The following UNC13C variants were observed in gnomAD, a reference collection of about 807,000 sequenced individuals.
The protein encoded by UNC13C is unc-13 homolog C.
UNC13C carries 174 observed loss-of-function variants against 245.4 expected under a neutral mutation model. The observed-to-expected ratio is 0.71, with a 90% CI of 0.63 to 0.80. The LOEUF is 0.80. Among genes scored for constraint, UNC13C ranks in the 30% least tolerant of loss-of-function variants. The pLI is 0.00. For missense variants in UNC13C, 2,829 were observed against 2,602.9 expected, an observed-to-expected ratio of 1.09 and a Z score of -1.89; for synonymous variants, 992 against 895.1, an observed-to-expected ratio of 1.11 and a Z score of -1.93.
intron 24 of UNC13C, among the ~76,000 whole-genome samples, chr15:54,522,027 A>G (rs376399770): frequency 3.3e-5 from 5 of 152,356 alleles, no homozygotes; most frequent in African/African-American, 1.2e-4. Flanking sequence ...TAAAGAGCAT[A>G]GTCAGTGTAG....
At chr15:54,038,057 A>G (rs956911217) in intron 2 of UNC13C, among the ~76,000 whole-genome samples, 2 of 136,014 alleles carry the variant, frequency 1.5e-5, no homozygotes, top group Non-Finnish European at 3.1e-5. Flanking sequence ...TTATGCTTTT[A>G]TGTTATACTT....
chr15:54,199,180 G>A (rs948180034), intron 4 of UNC13C, among the ~76,000 whole-genome samples: 2 of 152,018 alleles, frequency 1.3e-5, no homozygotes, highest in Non-Finnish European at 2.9e-5. Flanking sequence ...AAGCTTCCAA[G>A]AAGTTCAGGA....
chr15:54,003,778 C>T (rs942917667), intron 1 of UNC13C, among the ~76,000 whole-genome samples: 1 of 152,082 alleles, frequency 6.6e-6, no homozygotes, highest in Non-Finnish European at 1.5e-5. Flanking sequence ...TTTGGGAGGC[C>T]GAGGAGGGTG....
intron 10 of UNC13C, among the ~76,000 whole-genome samples, chr15:54,282,556 G>GGT (rs1376122541): frequency 3.3e-5 from 5 of 152,100 alleles, no homozygotes; most frequent in Non-Finnish European, 7.4e-5. Flanking sequence ...CCCCAGAGGG[G>GGT]GTGTTACAGT....
intron 2 of UNC13C, among the ~76,000 whole-genome samples, chr15:54,110,683 A>G (rs949413628): frequency 5.3e-5 from 8 of 152,180 alleles, no homozygotes; most frequent in African/African-American, 1.9e-4. Flanking sequence ...CAAACCATTA[A>G]ACCAGAGGCT....
At chr15:54,441,369 T>C (rs1890517807) in intron 19 of UNC13C, among the ~76,000 whole-genome samples, 1 of 152,070 alleles carries the variant, frequency 6.6e-6, no homozygotes, top group Admixed American at 6.6e-5. Flanking sequence ...AGGGGTCCAG[T>C]TTCGTTCTTC....
At chr15:54,356,524 G>T (rs1414975503) in intron 17 of UNC13C, among the ~76,000 whole-genome samples, 1 of 152,140 alleles carries the variant, frequency 6.6e-6, no homozygotes, top group Non-Finnish European at 1.5e-5. Flanking sequence ...GATGCCCATA[G>T]ATATAGCGTC....
At chr15:54,043,791 C>G (rs1338251019) in intron 2 of UNC13C, among the ~76,000 whole-genome samples, 1 of 152,164 alleles carries the variant, frequency 6.6e-6, no homozygotes, top group Non-Finnish European at 1.5e-5. Flanking sequence ...TTTACATACT[C>G]TTGGGTCCTG....
chr15:53,905,640 T>C, the UNC13C span, among the ~76,000 whole-genome samples: 1 of 152,024 alleles, frequency 6.6e-6, no homozygotes, highest in Non-Finnish European at 1.5e-5. Flanking sequence ...TGGGGAGATG[T>C]TGGTCAAAGA....
At chr15:53,914,637 A>G in the UNC13C span, 2,617 of 152,598 alleles carry the variant, frequency 0.017, 114 homozygotes, top group East Asian at 0.15. Flanking sequence ...GCCGAGACAC[A>G]GGCGAACAGT....
chr15:54,618,430 A>G (rs948078040), intron 30 of UNC13C, among the ~76,000 whole-genome samples: 2 of 152,198 alleles, frequency 1.3e-5, no homozygotes, highest in Admixed American at 1.3e-4. Flanking sequence ...AAAGCCTCTC[A>G]TTAAATTTTT....
chr15:54,076,218 A>C (rs867174127), intron 2 of UNC13C, among the ~76,000 whole-genome samples: 2 of 148,758 alleles, frequency 1.3e-5, no homozygotes, highest in South Asian at 2.2e-4. Flanking sequence ...CTAACTCGTC[A>C]TCTAGCATTA....
chr15:53,858,142 A>C, the UNC13C span, among the ~76,000 whole-genome samples: 2 of 152,164 alleles, frequency 1.3e-5, no homozygotes, highest in Admixed American at 1.3e-4. Flanking sequence ...TGATATGTAC[A>C]TCTATAATTT....
chr15:53,894,414 C>A, the UNC13C span, among the ~76,000 whole-genome samples: 1 of 152,182 alleles, frequency 6.6e-6, no homozygotes, highest in Non-Finnish European at 1.5e-5. Flanking sequence ...CTCAACAAAC[C>A]CAACCCCTTT....
chr15:54,631,538 CT>C (rs1408633716), downstream of UNC13C: 1 of 152,186 alleles, frequency 6.6e-6, no homozygotes, highest in Non-Finnish European at 1.5e-5. Flanking sequence ...CTCTGCAGCA[CT>C]GGTTCATTTT....
At chr15:54,129,335 T>G (rs2141210972) in intron 2 of UNC13C, among the ~76,000 whole-genome samples, 1 of 152,342 alleles carries the variant, frequency 6.6e-6, no homozygotes, top group South Asian at 2.1e-4. Context: ...TGGTATGTAA[T>G]CTTATCACAT....
chr15:54,469,371 C>A (rs1892338233), intron 19 of UNC13C, among the ~76,000 whole-genome samples: 1 of 151,444 alleles, frequency 6.6e-6, no homozygotes, highest in African/African-American at 2.4e-5. Context: ...ATGCCATCAG[C>A]AAGCAGATTT....
At chr15:54,394,459 T>C (rs1212922940) in intron 18 of UNC13C, among the ~76,000 whole-genome samples, 2 of 151,820 alleles carry the variant, frequency 1.3e-5, no homozygotes, top group Non-Finnish European at 1.5e-5. Context: ...ATCTATAACA[T>C]GTCGTCATCG....
chr15:54,561,766 T>A (rs190500530), intron 29 of UNC13C, among the ~76,000 whole-genome samples: 1 of 152,014 alleles, frequency 6.6e-6, no homozygotes, highest in Admixed American at 6.6e-5. Flanking sequence ...CTTAAGGAAA[T>A]GCACAAATTA....
Sources: allele counts gnomAD v4.1 joint callset (sites outside exome capture counted in the v4.1 genomes callset), GRCh38; gene constraint gnomAD v4.1.1; transcripts MANE v1.5; gene names NCBI Gene and HGNC (gene_info 2026-07-23, HGNC 2026-07-21).